PIAS2: variants seen among roughly 807,000 people sequenced by gnomAD.
PIAS2 encodes E3 SUMO-protein ligase PIAS2.
In PIAS2, 19 loss-of-function variants were observed where a neutral mutation model predicts 69.7. The observed-to-expected ratio is 0.27, with a 90% CI of 0.19 to 0.40. The LOEUF is 0.40. Ranked by LOEUF, PIAS2 falls within the 10% of genes least tolerant of loss-of-function variation. The pLI, the probability that PIAS2 is intolerant of heterozygous loss-of-function variation, is 1.00. For missense variants in PIAS2, 624 were observed against 757.0 expected (o/e 0.82, Z 2.06); for synonymous variants, 261 against 263.2 (o/e 0.99, Z 0.08).
chr18:46,833,341 A>G lies in PIAS2; in HGVS notation c.1202+3016T>C, dbSNP rs1020263429. On this transcript the variant is annotated intron_variant, in intron 9 of 13. Coordinates refer to ENST00000585916, the MANE Select transcript of PIAS2 (RefSeq NM_004671.5). ...TATAAAAGTCTAGAAAATCCAAACT[A>G]ATCTATAGAAACAGAAAGCATATCA... Among the ~76,000 whole-genome samples the G allele has an allele frequency of 1.6e-4, 24 of 152,212 alleles. 1 individual carries two copies. Among genetic ancestry groups the G allele is most frequent in the African/African-American group, 5.8e-4 (24 of 41,466 alleles).
chr18:46,888,061 AAACT>A (rs1291554854), intron 2 of PIAS2, among the ~76,000 whole-genome samples: 1 of 152,216 alleles, frequency 6.6e-6, no homozygotes, highest in Non-Finnish European at 1.5e-5. Flanking sequence ...GCATTTTTAT[AAACT>A]AATAATAAAT....
At chr18:46,832,412 T>C (rs763684550) in intron 9 of PIAS2, among the ~76,000 whole-genome samples, 1 of 150,420 alleles carries the variant, frequency 6.6e-6, no homozygotes, top group Admixed American at 6.6e-5. Flanking sequence ...CGAAACTCCA[T>C]CTCAAAACAA....
At chr18:46,868,607 C>G (rs565204141) in intron 2 of PIAS2, among the ~76,000 whole-genome samples, 2 of 152,262 alleles carry the variant, frequency 1.3e-5, no homozygotes, top group East Asian at 3.9e-4. Context: ...AGAGATTAAC[C>G]GTGTTAGGGA....
Position 46,805,730 on chromosome 18 carries a change from A to G in PIAS2, c.*6703T>C, listed in dbSNP as rs1384036857. ...AGTATGGCCTAGGAAGGGATCAGTG[A>G]CTGGGGCGTGACTAGAACATAATAC... On this transcript the variant is annotated 3_prime_UTR_variant, in exon 14 of 14. Transcript: ENST00000585916. 1.3e-5 allele frequency: 2 copies of G among 152,224 alleles called. No individual in the cohort carries two copies. Among genetic ancestry groups the G allele is most frequent in the African/African-American group, 2.4e-5 (1 of 41,458 alleles). 9.4% of individuals were successfully genotyped at this position (152,224 alleles called of 1,614,324 possible). A position where few individuals can be genotyped will look rare whatever the true frequency, so the allele number is the denominator to read the frequency against.
intron 10 of PIAS2, among the ~76,000 whole-genome samples, chr18:46,828,794 C>T (rs980181697): frequency 2.0e-5 from 3 of 152,146 alleles, no homozygotes; most frequent in East Asian, 3.8e-4. Context: ...TGTTAACTCA[C>T]ATTTTCACAG....
Position 46,811,118 on chromosome 18 carries a change from G to A in PIAS2, c.*1315C>T, listed in dbSNP as rs2040972774. 6.6e-6 allele frequency: 1 copy of A among 152,054 alleles called. No individual in the cohort carries two copies. The highest frequency in any genetic ancestry group is 2.4e-5 in the African/African-American group (1 of 41,404). The allele number at this position is 152,054 out of a possible 1,614,324, so 9.4% of individuals were successfully genotyped here. Reference sequence around the variant, plus strand: ...AAAGTGCACCCAATAAAACCTCAGAGGTTCCCTGGAGTGTTTGGGGTAGCA... The same window carrying A: ...AAAGTGCACCCAATAAAACCTCAGAAGTTCCCTGGAGTGTTTGGGGTAGCA... On this transcript the variant is annotated 3_prime_UTR_variant, in exon 14 of 14. Coordinates refer to ENST00000585916, the MANE Select transcript of PIAS2 (RefSeq NM_004671.5).
rs530607384 is a variant in PIAS2, at chr18:46,810,936, T to G, written c.*1497A>C. ...TAGATAAAGCTTAGAGAGAGAAAGC[T>G]AAACAGAAAAGTACCAAATCCTTGT... On this transcript the variant is annotated 3_prime_UTR_variant, in exon 14 of 14. Transcript: ENST00000585916. 81 of 152,184 alleles carry G rather than the reference T, an allele frequency of 5.3e-4. No individual in the cohort carries two copies. The highest frequency in any genetic ancestry group is 1.9e-3 in the African/African-American group (80 of 41,532). 9.4% of individuals were successfully genotyped at this position (152,184 alleles called of 1,614,324 possible).
chr18:46,845,185 T>C (rs1046768979), intron 6 of PIAS2, among the ~76,000 whole-genome samples: 10 of 152,206 alleles, frequency 6.6e-5, no homozygotes, highest in African/African-American at 2.2e-4. Flanking sequence ...ACCAGAATCT[T>C]GCTAACCAAA....
At chr18:46,882,546 G>A in intron 2 of PIAS2, among the ~76,000 whole-genome samples, 1 of 152,106 alleles carries the variant, frequency 6.6e-6, no homozygotes, top group Non-Finnish European at 1.5e-5. Flanking sequence ...TCATATATAT[G>A]TGTACAAGTA....
rs1376517531 is a variant in PIAS2, at chr18:46,805,834, G to T, written c.*6599C>A. On this transcript the variant is annotated 3_prime_UTR_variant, in exon 14 of 14. Coordinates refer to ENST00000585916, the MANE Select transcript of PIAS2 (RefSeq NM_004671.5). ...ATTTAAAAGACTGCAGAAAAACCAG[G>T]AATGAGCCTCATGGATGCTTCATTT... 2 of 152,188 alleles carry T rather than the reference G, an allele frequency of 1.3e-5. No homozygotes were observed. The highest frequency in any genetic ancestry group is 2.4e-5 in the African/African-American group (1 of 41,436). 9.4% of individuals were successfully genotyped at this position (152,188 alleles called of 1,614,324 possible).
At position 46,846,845 on chromosome 18, in the gene PIAS2, T is replaced by C. The variant is rs774505529; in HGVS notation, c.727-4A>G. 10 of 1,563,168 alleles carry C rather than the reference T, an allele frequency of 6.4e-6. No homozygotes were observed. The Admixed American group carries it at 7.7e-5, about 12-fold the overall frequency. ...TTTTAGGCGGTGGTGCATAGCCCTA[T>C]AACCGTAAGAAAGAAAAATTATTTC... On this transcript the variant is annotated splice_region_variant and splice_polypyrimidine_tract_variant and intron_variant, in intron 5 of 13. Transcript: ENST00000585916.
At chr18:46,905,384 T>A (rs1382804282) in intron 1 of PIAS2, among the ~76,000 whole-genome samples, 1 of 152,004 alleles carries the variant, frequency 6.6e-6, no homozygotes, top group Non-Finnish European at 1.5e-5. Context: ...TGATCTTAAA[T>A]AACTATGTTA....
intron 10 of PIAS2, among the ~76,000 whole-genome samples, chr18:46,828,463 T>C (rs538519397): frequency 1.3e-5 from 2 of 152,322 alleles, no homozygotes; most frequent in East Asian, 3.9e-4. Flanking sequence ...GCAGTCGTTT[T>C]ACAGAAAGAC....
intron 1 of PIAS2, among the ~76,000 whole-genome samples, chr18:46,900,300 T>C (rs376889292): frequency 6.6e-6 from 1 of 151,240 alleles, no homozygotes; most frequent in East Asian, 1.9e-4. Context: ...GAGGCAGAGG[T>C]TGCAGTAAGC....
rs896953756 is a variant in PIAS2, at chr18:46,807,979, T to C, written c.*4454A>G. The C allele has an allele frequency of 1.3e-5, 2 of 152,238 alleles. No homozygotes were observed. Among genetic ancestry groups the C allele is most frequent in the African/African-American group, 4.8e-5 (2 of 41,470 alleles). The allele number at this position is 152,238 out of a possible 1,614,324, so 9.4% of individuals were successfully genotyped here. A position where few individuals can be genotyped will look rare whatever the true frequency, so the allele number is the denominator to read the frequency against. ...ACTAGAAATTCCACCTCCAGTATTT[T>C]ATCCTAAGAAAATAATTTATACACA... On this transcript the variant is annotated 3_prime_UTR_variant, in exon 14 of 14. Transcript: ENST00000585916.
intron 5 of PIAS2, among the ~76,000 whole-genome samples, chr18:46,854,087 T>C (rs186901868): frequency 1.4e-4 from 21 of 152,312 alleles, no homozygotes; most frequent in Admixed American, 7.8e-4. Flanking sequence ...GTCCACAGGC[T>C]GTGTATGCGA....
At chr18:46,906,095 T>C (rs1173866325) in intron 1 of PIAS2, 1 of 152,152 alleles carries the variant, frequency 6.6e-6, no homozygotes, top group Non-Finnish European at 1.5e-5. Flanking sequence ...AGAAATAATT[T>C]TCTCAAAAGA....
chr18:46,895,006 G>A (rs1397086809), intron 1 of PIAS2, among the ~76,000 whole-genome samples: 1 of 151,462 alleles, frequency 6.6e-6, no homozygotes, highest in Non-Finnish European at 1.5e-5. Flanking sequence ...CCGGGAGGCG[G>A]AGGATGCAGT....
chr18:46,919,763 A>C (rs1599262950), upstream of PIAS2, among the ~76,000 whole-genome samples: 1 of 152,354 alleles, frequency 6.6e-6, no homozygotes, highest in East Asian at 1.9e-4. Flanking sequence ...TTAATGAATA[A>C]AGGAATGAAT....
Sources: gnomAD v4.1 joint callset for allele counts (sites outside exome capture counted in the v4.1 genomes callset) on GRCh38, gnomAD v4.1.1 for gene constraint, MANE v1.5 for transcripts, NCBI Gene and HGNC (gene_info 2026-07-23, HGNC 2026-07-21) for gene names.